Variants in NMUR2 observed in about 807,000 individuals in gnomAD.
The protein encoded by NMUR2 is neuromedin-U receptor 2.
A neutral mutation model predicts 25.1 loss-of-function variants in NMUR2; 24 were observed. The observed-to-expected ratio is 0.96, with a 90% confidence interval of 0.69 to 1.34. The LOEUF (loss-of-function observed/expected upper bound fraction) is 1.34, where lower values mean the gene tolerates loss of function less well. NMUR2 is among the 40% of genes most tolerant of loss of function. The probability of loss-of-function intolerance (pLI) is 0.00; values close to 1 mark genes in which losing one functional copy is unlikely to be tolerated. For synonymous variants in NMUR2, 218 were observed against 208.1 expected (o/e 1.05, Z -0.41); for missense variants, 533 against 512.8 (o/e 1.04, Z -0.38).
At chr5:152,398,534 C>A (rs41290593) in intron 1 of NMUR2, among the ~76,000 whole-genome samples, 22,044 of 152,180 alleles carry the variant, frequency 0.14, 2,091 homozygotes, top group Admixed American at 0.24. Flanking sequence ...TCCTTCTGCT[C>A]TGTGGTGGAT....
In NMUR2 at chr5:152,405,206, A is replaced by C. The variant is rs978838923; in HGVS notation, c.-93T>G. 10 of 1,425,460 alleles carry C rather than the reference A, an allele frequency of 7.0e-6. No homozygotes were observed. In the African/African-American group the frequency reaches 1.3e-4, roughly 18 times the overall value. The allele number at this position is 1,425,460 out of a possible 1,614,324, so 88.3% of individuals were successfully genotyped here. ...AAAAAAGAAAAAAGGAAAACAAAAAAGAGAAAGCAGTCACGAAAGTCACAG... is the reference window on the plus strand; with the variant it reads ...AAAAAAGAAAAAAGGAAAACAAAAACGAGAAAGCAGTCACGAAAGTCACAG... On this transcript the variant is annotated 5_prime_UTR_variant, in exon 1 of 4. Transcript: ENST00000255262.
At position 152,405,014 on chromosome 5, in the gene NMUR2, C is replaced by T; in HGVS notation, c.100G>A (p.Ala34Thr). Residue 34 changes from alanine (A) to threonine (T), a missense_variant, in exon 1 of 4, where the codon GCC becomes ACC. Transcript: ENST00000255262. ...KHLNSTEEYL[A>T]FLCGPRRSHF... ...CTGCGCCGAGGTCCGCAGAGGAAGG[C>T]CAGATACTCCTCGGTGCTGTTCAGG... 1 of 1,613,908 alleles carries T rather than the reference C, an allele frequency of 6.2e-7. No homozygotes were observed.
chr5:152,392,594 C>A (rs994995352), intron 3 of NMUR2, 93 bp from the exon 4 acceptor site: 3 of 937,516 alleles, frequency 3.2e-6, no homozygotes, highest in Admixed American at 2.4e-5. Flanking sequence ...GGCCTAGAAT[C>A]CCTGTGATTG....
rs1483735329 is a variant in NMUR2 at position 152,405,261 on chromosome 5, G to A, written c.-148C>T. The A allele has an allele frequency of 8.6e-6, 8 of 925,054 alleles. No homozygotes were observed. Among genetic ancestry groups the A allele is most frequent in the Admixed American group, 2.9e-5 (1 of 34,780 alleles). 57.3% of individuals were successfully genotyped at this position (925,054 alleles called of 1,614,324 possible). ...CGTAAGGAAGGCTGGGAGAGAGTGA[G>A]TGTTTCACCCTCCAGGTTAGGCTGC... is the stretch of plus-strand genomic sequence containing the variant. On this transcript the variant is annotated 5_prime_UTR_variant, in exon 1 of 4. Coordinates refer to ENST00000255262, the MANE Select transcript of NMUR2 (RefSeq NM_020167.5).
chr5:152,404,656 C>A lies in NMUR2; in HGVS notation c.458G>T (p.Arg153Leu), dbSNP rs756384094. The A allele has an allele frequency of 2.7e-5, 43 of 1,613,708 alleles. No individual in the cohort carries two copies. In the Admixed American group the frequency reaches 6.8e-4, roughly 26 times the overall value. The change falls in exon 1 of 4, where the codon CGC (arginine) becomes CTC (leucine). Residue 153 changes from arginine (R) to leucine (L), a missense_variant. Transcript: ENST00000255262. Reference protein sequence around the residue: ...ERYVAILHPFRAKLQSTRRRA... With the variant: ...ERYVAILHPFLAKLQSTRRRA... ...GCGCCGGGTGCTCTGCAGTTTGGCG[C>A]GGAACGGGTGTAGGATGGCCACGTA...
chr5:152,397,012 G>GGTTTT (rs1554106748), intron 2 of NMUR2, among the ~76,000 whole-genome samples: 2 of 105,706 alleles, frequency 1.9e-5, no homozygotes, highest in African/African-American at 6.2e-5. Context: ...TGAGCTTCAT[G>GGTTTT]TTTTTTTTTT....
chr5:152,398,875 T>G (rs1332720365), intron 1 of NMUR2, among the ~76,000 whole-genome samples: 1 of 152,210 alleles, frequency 6.6e-6, no homozygotes, highest in Admixed American at 6.5e-5. Flanking sequence ...GTTTCTGAGT[T>G]AAGATGTTTA....
At chr5:152,402,856 G>C (rs1041782211) in intron 1 of NMUR2, among the ~76,000 whole-genome samples, 1 of 152,176 alleles carries the variant, frequency 6.6e-6, no homozygotes, top group Non-Finnish European at 1.5e-5. Flanking sequence ...GACTGGCACA[G>C]CTCTCTGCCT....
intron 2 of NMUR2, 81 bp from the exon 3 acceptor site, chr5:152,395,665 T>C (rs1753136065): frequency 1.3e-6 from 2 of 1,500,542 alleles, no homozygotes; most frequent in Non-Finnish European, 1.8e-6. Flanking sequence ...AGTCAATCAT[T>C]TCTTCTGGCA....
chr5:152,397,533 A>C (rs1313134829), intron 2 of NMUR2, among the ~76,000 whole-genome samples: 1 of 152,006 alleles, frequency 6.6e-6, no homozygotes. Context: ...TATGAGTATC[A>C]GGGGTTGGTT....
intron 3 of NMUR2, among the ~76,000 whole-genome samples, chr5:152,395,113 T>C (rs1280606699): frequency 3.3e-5 from 5 of 152,132 alleles, no homozygotes; most frequent in Non-Finnish European, 7.4e-5. Context: ...AAAGGCAATA[T>C]GAGATTTCAG....
At chr5:152,392,892 G>T (rs1753087910) in intron 3 of NMUR2, among the ~76,000 whole-genome samples, 1 of 152,168 alleles carries the variant, frequency 6.6e-6, no homozygotes, top group Non-Finnish European at 1.5e-5. Context: ...ATTTGGGATT[G>T]CAAGTAGTGG....
intron 3 of NMUR2, among the ~76,000 whole-genome samples, chr5:152,393,066 C>G (rs926414201): frequency 1.3e-5 from 2 of 152,146 alleles, no homozygotes; most frequent in Admixed American, 1.3e-4. Flanking sequence ...TTTCCTCTAC[C>G]AATTAACCTT....
chr5:152,396,177 C>T (rs994217836), intron 2 of NMUR2, among the ~76,000 whole-genome samples: 1 of 150,296 alleles, frequency 6.7e-6, no homozygotes, highest in Non-Finnish European at 1.5e-5. Context: ...TTCTTTGGGG[C>T]ATTTAAGCTC....
intron 3 of NMUR2, among the ~76,000 whole-genome samples, chr5:152,394,560 A>G (rs1753116452): frequency 6.6e-6 from 1 of 152,206 alleles, no homozygotes; most frequent in African/African-American, 2.4e-5. Context: ...TGACTGAGAA[A>G]GAAGAAACTA....
At chr5:152,402,667 G>A (rs1354830309) in intron 1 of NMUR2, among the ~76,000 whole-genome samples, 1 of 152,184 alleles carries the variant, frequency 6.6e-6, no homozygotes, top group Non-Finnish European at 1.5e-5. Flanking sequence ...ATAGGTGACT[G>A]TTTGGCATTG....
Position 152,392,109 on chromosome 5 carries a change from A to G in NMUR2, c.*82T>C. On this transcript the variant is annotated 3_prime_UTR_variant, in exon 4 of 4. Coordinates refer to ENST00000255262, the MANE Select transcript of NMUR2 (RefSeq NM_020167.5). ...GTTGTAAGAGCCATTCTACCTCTCT[A>G]ATATCATATGAGAAGGCATACATTA... is the stretch of plus-strand genomic sequence containing the variant. The G allele has an allele frequency of 1.7e-6, 2 of 1,189,928 alleles. No homozygotes were observed. The highest frequency in any genetic ancestry group is 2.4e-6 in the Non-Finnish European group (2 of 833,006). 73.7% of individuals were successfully genotyped at this position (1,189,928 alleles called of 1,614,324 possible). A position where few individuals can be genotyped will look rare whatever the true frequency, so the allele number is the denominator to read the frequency against.
At chr5:152,397,979 C>G (rs1753189920) in intron 2 of NMUR2, 81 bp downstream of exon 2, 1 of 939,928 alleles carries the variant, frequency 1.1e-6, no homozygotes, top group South Asian at 1.4e-5. Flanking sequence ...GAACCTACCC[C>G]AGCAGCATTT....
In NMUR2 at chr5:152,404,653, G is replaced by A. The variant is rs1753320623; in HGVS notation, c.461C>T (p.Ala154Val). ...RYVAILHPFR[A>V]KLQSTRRRAL... ...CCGGCGCCGGGTGCTCTGCAGTTTGGCGCGGAACGGGTGTAGGATGGCCAC... is the reference window on the plus strand; with the variant it reads ...CCGGCGCCGGGTGCTCTGCAGTTTGACGCGGAACGGGTGTAGGATGGCCAC... The change falls in exon 1 of 4, where the codon GCC (alanine) becomes GTC (valine). Residue 154 changes from alanine to valine, a missense_variant. Transcript: ENST00000255262. 7 of 1,614,008 alleles carry A rather than the reference G, an allele frequency of 4.3e-6. No homozygotes were observed. The Admixed American group carries it at 5.0e-5, about 12-fold the overall frequency.
Sources: allele counts gnomAD v4.1 joint callset (sites outside exome capture counted in the v4.1 genomes callset), GRCh38; gene constraint gnomAD v4.1.1; transcripts MANE v1.5; gene names NCBI Gene and HGNC (gene_info 2026-07-23, HGNC 2026-07-21).